The following SANBR variants were observed in gnomAD, a reference collection of about 807,000 sequenced individuals.
SANBR encodes the protein SANT and BTB domain regulator of class switch recombination.
Under a neutral mutation model 101.8 loss-of-function variants are expected in SANBR, and 77 were observed. The ratio of observed to expected loss-of-function variants is 0.76; its 90% CI spans 0.63 to 0.91. The LOEUF (loss-of-function observed/expected upper bound fraction) is 0.91, where lower values mean the gene tolerates loss of function less well. Ranked by LOEUF, SANBR falls within the 40% of genes least tolerant of loss-of-function variation. The probability of loss-of-function intolerance (pLI) is 0.00; values close to 1 mark genes in which losing one functional copy is unlikely to be tolerated. For synonymous variants in SANBR, 279 were observed against 274.7 expected, an observed-to-expected ratio of 1.02 and a Z score of -0.15; for missense variants, 875 against 853.0, an observed-to-expected ratio of 1.03 and a Z score of -0.32.
intron 11 of SANBR, among the ~76,000 whole-genome samples, chr2:61,095,640 G>A (rs536662246): frequency 2.6e-5 from 4 of 151,900 alleles, no homozygotes; most frequent in Admixed American, 2.0e-4. Flanking sequence ...ACCTGTTCTC[G>A]CTCAGAGTCC....
At chr2:61,089,034 G>A (rs566055100) in intron 10 of SANBR, 1 of 955,710 alleles carries the variant, frequency 1.0e-6, no homozygotes, top group African/African-American at 1.8e-5. Context: ...ATCTTGAAAG[G>A]TATTCTGGTT....
At chr2:61,078,213 A>T (rs1014228686) in intron 6 of SANBR, among the ~76,000 whole-genome samples, 2 of 152,240 alleles carry the variant, frequency 1.3e-5, no homozygotes, top group African/African-American at 4.8e-5. Flanking sequence ...AAAGTGAAAG[A>T]TAAATTAGAG....
chr2:61,105,955 C>T (rs962922263), intron 13 of SANBR, among the ~76,000 whole-genome samples: 1 of 152,144 alleles, frequency 6.6e-6, no homozygotes, highest in Non-Finnish European at 1.5e-5. Flanking sequence ...GAGGCGTGAC[C>T]CACTGTGCCC....
chr2:61,117,772 C>T lies in SANBR; in HGVS notation c.1939+232C>T, dbSNP rs1684145176. Among the ~76,000 whole-genome samples, 4 of 152,188 alleles carry T rather than the reference C, an allele frequency of 2.6e-5. No homozygotes were observed. In the South Asian group the frequency reaches 8.3e-4, roughly 32 times the overall value. ...GAGATCATTCACATTGACCTTTGCC[C>T]ATTATTTTCACCATAAAGATGACTG... On this transcript the variant is annotated intron_variant, in intron 19 of 21. Transcript: ENST00000402291.
intron 6 of SANBR, among the ~76,000 whole-genome samples, chr2:61,077,774 A>G (rs6760104): frequency 0.13 from 19,086 of 152,200 alleles, 2,551 homozygotes; most frequent in African/African-American, 0.34. Flanking sequence ...TTGTGCGATT[A>G]TTTTCAGTCC....
chr2:61,113,228 G>A (rs929767376), intron 16 of SANBR, among the ~76,000 whole-genome samples: 9 of 152,052 alleles, frequency 5.9e-5, no homozygotes, highest in African/African-American at 1.9e-4. Flanking sequence ...GTTAATTTTT[G>A]TAGATTTTAG....
In SANBR at chr2:61,109,681, G is replaced by GT. The variant is rs1297359773; in HGVS notation, c.1744+404dup. Among the ~76,000 whole-genome samples the GT allele has an allele frequency of 5.3e-3, 665 of 124,770 alleles. 8 individuals are homozygous for GT. The highest frequency in any genetic ancestry group is 0.012 in the African/African-American group (374 of 31,278). The allele number at this position is 124,770 out of a possible 152,430, so 81.9% of individuals were successfully genotyped here. A position where few individuals can be genotyped will look rare whatever the true frequency, so the allele number is the denominator to read the frequency against. ...TGGAAAGCATGTTTTTTTTGTGTTT[G>GT]TTTTTTTTTTTTTTTTTTTGAGGCA... On this transcript the variant is annotated intron_variant, in intron 16 of 21. Transcript: ENST00000402291.
In SANBR at chr2:61,122,632, A is replaced by C; in HGVS notation, c.*470A>C. Reference sequence around the variant, plus strand: ...GTGTGACGAAATTCCCAATGATGCTAATTTTAAGTCTGCATGAATATTAAG... The same window carrying C: ...GTGTGACGAAATTCCCAATGATGCTCATTTTAAGTCTGCATGAATATTAAG... On this transcript the variant is annotated 3_prime_UTR_variant, in exon 22 of 22. Transcript: ENST00000402291. 1.0e-6 allele frequency: 1 copy of C among 987,154 alleles called. No homozygotes were observed. The highest frequency in any genetic ancestry group is 1.2e-6 in the Non-Finnish European group (1 of 831,080). The allele number at this position is 987,154 out of a possible 1,614,324, so 61.1% of individuals were successfully genotyped here.
At chr2:61,098,570 A>G (rs1316264515) in intron 12 of SANBR, among the ~76,000 whole-genome samples, 1 of 152,190 alleles carries the variant, frequency 6.6e-6, no homozygotes, top group African/African-American at 2.4e-5. Flanking sequence ...TCTCCTATTA[A>G]TGAACATGTA....
In SANBR at chr2:61,097,835, C is replaced by G; in HGVS notation, c.1348C>G (p.Pro450Ala). ...CCNQKVLRFD[P>A]TQLTKGCKVR... Reference sequence around the variant, plus strand: ...TAACCAAAAGGTTCTTCGGTTTGATCCTACTCAGCTTACAAAGGTGAATTT... The same window carrying G: ...TAACCAAAAGGTTCTTCGGTTTGATGCTACTCAGCTTACAAAGGTGAATTT... The change falls in exon 12 of 22, where the codon CCT becomes GCT. Residue 450 changes from proline to alanine, a missense_variant. By Grantham distance (27) the Pro-to-Ala change is conservative (BLOSUM62 -1). Coordinates refer to ENST00000402291, the MANE Select transcript of SANBR (RefSeq NM_001129993.3). The G allele has an allele frequency of 6.2e-7, 1 of 1,612,340 alleles. No individual in the cohort carries two copies. The highest frequency in any genetic ancestry group is 1.1e-5 in the South Asian group (1 of 90,852).
At chr2:61,092,798 C>T (rs1315756178) in intron 11 of SANBR, among the ~76,000 whole-genome samples, 1 of 152,010 alleles carries the variant, frequency 6.6e-6, no homozygotes, top group Non-Finnish European at 1.5e-5. Flanking sequence ...CCCAGGAGTT[C>T]AATACCAGCC....
intron 20 of SANBR, 118 bp downstream of exon 20, chr2:61,118,234 T>A: frequency 3.0e-6 from 2 of 672,192 alleles, no homozygotes; most frequent in East Asian, 2.9e-5. Flanking sequence ...TTTATGTGTT[T>A]GTTTGTTTGT....
chr2:61,091,389 C>T (rs180686653), intron 10 of SANBR, among the ~76,000 whole-genome samples: 1 of 151,868 alleles, frequency 6.6e-6, no homozygotes, highest in Non-Finnish European at 1.5e-5. Context: ...GTCAAGAGTT[C>T]GGGAAAAGCC....
intron 11 of SANBR, among the ~76,000 whole-genome samples, chr2:61,093,628 T>C (rs577472712): frequency 2.6e-5 from 4 of 152,246 alleles, no homozygotes; most frequent in Admixed American, 1.3e-4. Context: ...TTGTTTTAAG[T>C]GATCAAATCC....
chr2:61,117,443 A>G, intron 18 of SANBR, 24 bp from the exon 19 acceptor site: 1 of 1,613,298 alleles, frequency 6.2e-7, no homozygotes, highest in Non-Finnish European at 8.5e-7. Flanking sequence ...ATCAATGCTG[A>G]TTTTTGTTCA....
intron 20 of SANBR, among the ~76,000 whole-genome samples, chr2:61,118,568 T>TG (rs1559142660): frequency 1.1e-5 from 1 of 93,078 alleles, no homozygotes; most frequent in African/African-American, 5.0e-5. Context: ...TTTTGTTGGT[T>TG]TTTTTTTTTT....
In SANBR at chr2:61,109,209, C is replaced by G; in HGVS notation, c.1657C>G (p.Leu553Val). 6.7e-7 allele frequency: 1 copy of G among 1,495,604 alleles called. No individual in the cohort carries two copies. The highest frequency in any genetic ancestry group is 9.0e-7 in the Non-Finnish European group (1 of 1,112,964). The allele number at this position is 1,495,604 out of a possible 1,614,324, so 92.6% of individuals were successfully genotyped here. The change falls in exon 16 of 22, where the codon CTG becomes GTG. Residue 553 changes from leucine to valine, a missense_variant. Physicochemically the swap from Leu to Val is conservative, Grantham distance 32. Transcript: ENST00000402291. ...NWTLQLKQQS[L>V]FSEEEEYTTG... ...TTTTTTAACTTAGAAACAACAGTCA[C>G]TGTTTTCAGAAGAAGAAGAATATAC...
chr2:61,076,104 C>CCACT (rs1273629168), intron 5 of SANBR, among the ~76,000 whole-genome samples: 5 of 151,660 alleles, frequency 3.3e-5, no homozygotes, highest in Admixed American at 1.3e-4. Context: ...CACCATTCTC[C>CCACT]TGCCTCAGCC....
exon 22 of SANBR, chr2:61,137,979 AC>A (rs1330573949): frequency 2.0e-5 from 3 of 152,166 alleles, no homozygotes; most frequent in Non-Finnish European, 2.9e-5. Flanking sequence ...TATTTTAGCT[AC>A]TCAGTAGTAA....
Sources: gnomAD v4.1 joint callset for allele counts (sites outside exome capture counted in the v4.1 genomes callset) on GRCh38, gnomAD v4.1.1 for gene constraint, MANE v1.5 for transcripts, NCBI Gene and HGNC (gene_info 2026-07-23, HGNC 2026-07-21) for gene names.